The following LRRC38 variants were observed in gnomAD, a reference collection of about 807,000 sequenced individuals.
LRRC38 encodes the protein leucine-rich repeat-containing protein 38.
A neutral mutation model predicts 16.4 loss-of-function variants in LRRC38; 5 were observed. That is an observed-to-expected ratio of 0.31 (90% CI 0.16 to 0.64). The LOEUF (loss-of-function observed/expected upper bound fraction) is 0.64. LRRC38 is among the 30% of genes least tolerant of loss of function. LRRC38 has a pLI of 0.80. For missense variants in LRRC38, 341 were observed against 401.8 expected, an observed-to-expected ratio of 0.85 and a Z score of 1.29; for synonymous variants, 191 against 190.2, an observed-to-expected ratio of 1.00 and a Z score of -0.04.
intron 1 of LRRC38, among the ~76,000 whole-genome samples, chr1:13,480,276 T>C (rs1235970681): frequency 2.0e-5 from 3 of 152,140 alleles, no homozygotes; most frequent in African/African-American, 7.2e-5. Context: ...ACCCCGGAGG[T>C]AGAGGCTGCA....
At chr1:13,476,390 G>A (rs116768120) in intron 1 of LRRC38, among the ~76,000 whole-genome samples, 2,446 of 152,192 alleles carry the variant, frequency 0.016, 63 homozygotes, top group African/African-American at 0.055. Context: ...GCAACATGGC[G>A]TGATCTCGGC....
In LRRC38 at chr1:13,475,015, G is replaced by A. The variant is rs577008840; in HGVS notation, c.*831C>T. 6.6e-6 allele frequency: 1 copy of A among 152,304 alleles called. No individual in the cohort carries two copies. Among genetic ancestry groups the A allele is most frequent in the African/African-American group, 2.4e-5 (1 of 41,532 alleles). 9.4% of individuals were successfully genotyped at this position (152,304 alleles called of 1,614,324 possible). ...ACATTTATTTATTTCTCCCAGTTCT[G>A]GAGGCTGGAAGTCTGAGATCTGGGT... On this transcript the variant is annotated 3_prime_UTR_variant, in exon 2 of 2. Transcript: ENST00000376085. The surrounding 1 kb of genome is among the most constrained non-coding windows in gnomAD (Gnocchi z 4.3).
chr1:13,493,360 T>A (rs376787928), intron 1 of LRRC38, among the ~76,000 whole-genome samples: 2 of 151,958 alleles, frequency 1.3e-5, no homozygotes, highest in Non-Finnish European at 2.9e-5. Flanking sequence ...AGAGGTTTCA[T>A]GAGAAATGAG....
intron 1 of LRRC38, among the ~76,000 whole-genome samples, chr1:13,488,384 G>A (rs405863): frequency 0.012 from 1,870 of 151,328 alleles, 34 homozygotes; most frequent in African/African-American, 0.043. Flanking sequence ...CAATTCTCCC[G>A]CCTCAGCCTC....
intron 1 of LRRC38, among the ~76,000 whole-genome samples, chr1:13,484,557 G>T (rs972832717): frequency 6.6e-6 from 1 of 152,216 alleles, no homozygotes; most frequent in African/African-American, 2.4e-5. Context: ...GATGGTGCTG[G>T]ACCGGCACAG....
chr1:13,483,146 T>G (rs943539809), intron 1 of LRRC38, among the ~76,000 whole-genome samples: 2 of 151,792 alleles, frequency 1.3e-5, no homozygotes, highest in African/African-American at 4.9e-5. Flanking sequence ...TTTTTTAATT[T>G]TATTAATTTA....
chr1:13,475,536 G>T lies in LRRC38; in HGVS notation c.*310C>A, dbSNP rs138195528. 151 of 301,870 alleles carry T rather than the reference G, an allele frequency of 5.0e-4. No individual in the cohort carries two copies. The highest frequency in any genetic ancestry group is 8.7e-4 in the Non-Finnish European group (140 of 160,034). 18.7% of individuals were successfully genotyped at this position (301,870 alleles called of 1,614,324 possible). A position where few individuals can be genotyped will look rare whatever the true frequency, so the allele number is the denominator to read the frequency against. On this transcript the variant is annotated 3_prime_UTR_variant, in exon 2 of 2. Transcript: ENST00000376085. This position sits in a 1 kb window ranked among gnomAD's most constrained non-coding sequence, Gnocchi z 4.3. ...GCTGCCAGTCTTCACATTTCCTGGG[G>T]GAGGCTTTTAGTCATCAGCTATGAA... is the stretch of plus-strand genomic sequence containing the variant.
chr1:13,484,140 C>T (rs891334237), intron 1 of LRRC38, among the ~76,000 whole-genome samples: 8 of 152,158 alleles, frequency 5.3e-5, no homozygotes, highest in African/African-American at 7.2e-5. Flanking sequence ...TCAAACGCCC[C>T]GCGCAGGCCA....
chr1:13,508,226 G>C (rs1297487526), intron 1 of LRRC38, among the ~76,000 whole-genome samples: 2 of 152,124 alleles, frequency 1.3e-5, no homozygotes, highest in Non-Finnish European at 2.9e-5. Context: ...GGCAGAGCAA[G>C]ACCCCATCTC....
intron 1 of LRRC38, among the ~76,000 whole-genome samples, chr1:13,497,742 G>A (rs755692888): frequency 3.9e-5 from 6 of 151,978 alleles, no homozygotes; most frequent in Non-Finnish European, 7.4e-5. Flanking sequence ...TTGGGAGGCC[G>A]AGGAGGGCAG....
rs571180670 is a variant in LRRC38, at chr1:13,513,063, C to T, written c.531G>A (p.Ala177=). ...TCCCGTCCAGACGCAGGGAGCGCAG[C>T]GCGGGCAGCGCGGCCAGGGCGGCCA... is the stretch of plus-strand genomic sequence containing the variant. ...LSVAALAALP[A]LRSLRLDGNP... Residue 177 remains alanine, a synonymous_variant, in exon 1 of 2, where the codon GCG becomes GCA. Coordinates refer to ENST00000376085, the MANE Select transcript of LRRC38 (RefSeq NM_001010847.2). 7.7e-6 allele frequency: 12 copies of T among 1,550,088 alleles called. No individual in the cohort carries two copies. In the African/African-American group the frequency reaches 1.6e-4, roughly 21 times the overall value.
chr1:13,481,126 C>T (rs1638848352), intron 1 of LRRC38, among the ~76,000 whole-genome samples: 1 of 152,036 alleles, frequency 6.6e-6, no homozygotes, highest in Non-Finnish European at 1.5e-5. Flanking sequence ...TGTTCTTCCT[C>T]CCCACCCCCT....
At chr1:13,495,953 A>G (rs1639075176) in intron 1 of LRRC38, among the ~76,000 whole-genome samples, 1 of 151,974 alleles carries the variant, frequency 6.6e-6, no homozygotes, top group African/African-American at 2.4e-5. Context: ...CAATTTTCCT[A>G]TATCAGCACA....
intron 1 of LRRC38, among the ~76,000 whole-genome samples, chr1:13,493,753 T>G (rs1221730282): frequency 6.6e-6 from 1 of 152,124 alleles, no homozygotes; most frequent in Non-Finnish European, 1.5e-5. Context: ...GACACAGATG[T>G]CGTGATTTTA....
At chr1:13,498,187 G>A (rs896477129) in intron 1 of LRRC38, among the ~76,000 whole-genome samples, 13 of 151,824 alleles carry the variant, frequency 8.6e-5, no homozygotes, top group Non-Finnish European at 1.6e-4. Context: ...TCAGGGGAGA[G>A]GAGCCTGCTC....
rs1638773346 is a variant in LRRC38 at position 13,475,271 on chromosome 1, A to T, written c.*575T>A. On this transcript the variant is annotated 3_prime_UTR_variant, in exon 2 of 2. Transcript: ENST00000376085. This position sits in a 1 kb window ranked among gnomAD's most constrained non-coding sequence, Gnocchi z 4.3. ...ATTGGGGATTAGGTTTCAACATATAAAATCTGGGGGAACATAAACATTGAG... is the reference window on the plus strand; with the variant it reads ...ATTGGGGATTAGGTTTCAACATATATAATCTGGGGGAACATAAACATTGAG... 6.5e-6 allele frequency: 1 copy of T among 153,592 alleles called. No homozygotes were observed. The highest frequency in any genetic ancestry group is 2.0e-4 in the South Asian group (1 of 4,896). 9.5% of individuals were successfully genotyped at this position (153,592 alleles called of 1,614,324 possible). A position where few individuals can be genotyped will look rare whatever the true frequency, so the allele number is the denominator to read the frequency against.
chr1:13,510,147 G>A (rs1416050474), intron 1 of LRRC38, among the ~76,000 whole-genome samples: 1 of 152,198 alleles, frequency 6.6e-6, no homozygotes, highest in African/African-American at 2.4e-5. Context: ...GCAAGGGAAA[G>A]CAAGGGTAGG....
In LRRC38 at chr1:13,487,522, A is replaced by G. The variant is rs115435037; in HGVS notation, c.632-11423T>C. ...CTGGCCTAGGCAGAACAGGGCCCAC[A>G]GCGCCCTCCCCTTATAACCACGACT... is the stretch of plus-strand genomic sequence containing the variant. On this transcript the variant is annotated intron_variant, in intron 1 of 1. Coordinates refer to ENST00000376085, the MANE Select transcript of LRRC38 (RefSeq NM_001010847.2). This position sits in a 1 kb window ranked among gnomAD's most constrained non-coding sequence, Gnocchi z 4.4. Among the ~76,000 whole-genome samples, 1,502 of 152,294 alleles carry G rather than the reference A, an allele frequency of 9.9e-3. 19 individuals are homozygous for G. The highest frequency in any genetic ancestry group is 0.034 in the African/African-American group (1,417 of 41,548).
Position 13,513,887 on chromosome 1 carries a change from G to C in LRRC38, c.-294C>G, listed in dbSNP as rs547312118. ...GCTAGAAAAATCTCTTGGGAGAGGCGGGAGCGGCAGGGGTGGCCGAGTGGC... is the reference window on the plus strand; with the variant it reads ...GCTAGAAAAATCTCTTGGGAGAGGCCGGAGCGGCAGGGGTGGCCGAGTGGC... On this transcript the variant is annotated 5_prime_UTR_variant, in exon 1 of 2. Coordinates refer to ENST00000376085, the MANE Select transcript of LRRC38 (RefSeq NM_001010847.2). The C allele has an allele frequency of 6.5e-6, 1 of 152,984 alleles. No homozygotes were observed. Among genetic ancestry groups the C allele is most frequent in the South Asian group, 2.1e-4 (1 of 4,832 alleles). 9.5% of individuals were successfully genotyped at this position (152,984 alleles called of 1,614,324 possible).
Sources: allele counts gnomAD v4.1 joint callset (sites outside exome capture counted in the v4.1 genomes callset), GRCh38; gene constraint gnomAD v4.1.1; non-coding constraint Gnocchi (gnomAD v3.1); transcripts MANE v1.5; gene names NCBI Gene and HGNC (gene_info 2026-07-23, HGNC 2026-07-21).